Variants in CCSER1 observed in about 807,000 individuals in gnomAD.
CCSER1 encodes serine-rich coiled-coil domain-containing protein 1.
CCSER1 carries 41 observed loss-of-function variants against 82.0 expected under a neutral mutation model. The ratio of observed to expected loss-of-function variants is 0.50; its 90% CI spans 0.39 to 0.65. CCSER1 has a LOEUF of 0.65. CCSER1 is among the 30% of genes least tolerant of loss of function. The pLI is 0.00. For synonymous variants in CCSER1, 414 were observed against 383.9 expected (o/e 1.08, Z -0.92); for missense variants, 1,119 against 1,064.2 (o/e 1.05, Z -0.72).
At chr4:91,032,475 C>T (rs1027840971) in intron 9 of CCSER1, among the ~76,000 whole-genome samples, 1 of 152,100 alleles carries the variant, frequency 6.6e-6, no homozygotes, top group Admixed American at 6.6e-5. Context: ...TGTACGATTG[C>T]AGAAAAAGGA....
intron 10 of CCSER1, among the ~76,000 whole-genome samples, chr4:91,452,847 A>G (rs1248395852): frequency 7.9e-5 from 12 of 152,062 alleles, no homozygotes; most frequent in Admixed American, 7.9e-4. Context: ...ATTTTCCTGC[A>G]AATGAAATCT....
intron 10 of CCSER1, among the ~76,000 whole-genome samples, chr4:91,327,104 T>G (rs1020094906): frequency 2.0e-5 from 3 of 152,210 alleles, no homozygotes; most frequent in Non-Finnish European, 2.9e-5. Context: ...GGTGGCCCTC[T>G]TCTCACAGCT....
chr4:90,312,119 T>C (rs1357110368), intron 2 of CCSER1, among the ~76,000 whole-genome samples: 1 of 152,202 alleles, frequency 6.6e-6, no homozygotes, highest in Non-Finnish European at 1.5e-5. Context: ...TGAAGGAACT[T>C]AAATAATAAG....
chr4:90,849,436 C>A (rs1024080551), intron 8 of CCSER1, among the ~76,000 whole-genome samples: 2 of 151,996 alleles, frequency 1.3e-5, no homozygotes, highest in Non-Finnish European at 2.9e-5. Flanking sequence ...AGCAGTAAAG[C>A]TTTCAAGAGA....
At position 90,323,938 on chromosome 4, in the gene CCSER1, C is replaced by T. The variant is rs183946690; in HGVS notation, c.1509+10891C>T. 6.3e-3 allele frequency among the ~76,000 whole-genome samples: 962 copies of T among 151,932 alleles called. 15 individuals are homozygous for T. Among genetic ancestry groups the T allele is most frequent in the East Asian group, 0.05 (259 of 5,144 alleles). The stretch of plus-strand genomic sequence containing the variant: ...TGCGGTATTTGGTTTTTTGTTCTTG[C>T]GATAGTTTACTGAGAATGATGATTT... On this transcript the variant is annotated intron_variant, in intron 3 of 10. Coordinates refer to ENST00000509176, the MANE Select transcript of CCSER1 (RefSeq NM_001145065.2).
intron 7 of CCSER1, among the ~76,000 whole-genome samples, chr4:90,726,832 G>T (rs1044490472): frequency 2.0e-5 from 3 of 151,862 alleles, no homozygotes; most frequent in African/African-American, 7.3e-5. Context: ...AAACTTTGTG[G>T]ATCTCGTTGT....
chr4:91,270,444 T>G (rs536671724), intron 10 of CCSER1, among the ~76,000 whole-genome samples: 1 of 152,218 alleles, frequency 6.6e-6, no homozygotes, highest in Non-Finnish European at 1.5e-5. Context: ...CATCACATTT[T>G]TTTTTGTTCT....
At chr4:90,426,678 T>G (rs556502474) in intron 4 of CCSER1, among the ~76,000 whole-genome samples, 2 of 152,326 alleles carry the variant, frequency 1.3e-5, no homozygotes, top group East Asian at 3.9e-4. Flanking sequence ...CAGCTTTGTT[T>G]ATAACTTGTG....
At chr4:91,406,427 G>A (rs1053294105) in intron 10 of CCSER1, among the ~76,000 whole-genome samples, 1 of 152,062 alleles carries the variant, frequency 6.6e-6, no homozygotes, top group African/African-American at 2.4e-5. Flanking sequence ...GATTCAATGT[G>A]GTTCTTTATT....
chr4:91,094,630 C>T (rs536145406), intron 10 of CCSER1, among the ~76,000 whole-genome samples: 9 of 152,186 alleles, frequency 5.9e-5, no homozygotes, highest in Non-Finnish European at 8.8e-5. Context: ...CTCTGGGAAC[C>T]GGATACTGCT....
At chr4:90,293,616 A>C (rs1232972641) in intron 1 of CCSER1, among the ~76,000 whole-genome samples, 1 of 150,846 alleles carries the variant, frequency 6.6e-6, no homozygotes, top group African/African-American at 2.4e-5. Flanking sequence ...AAAATAAAAA[A>C]TTTAAGAAGA....
At chr4:91,064,512 A>G (rs1170530210) in intron 9 of CCSER1, among the ~76,000 whole-genome samples, 1 of 152,242 alleles carries the variant, frequency 6.6e-6, no homozygotes, top group Non-Finnish European at 1.5e-5. Flanking sequence ...ACACTTATGC[A>G]GTGTTTCTGC....
At chr4:90,483,671 T>A (rs1308516542) in intron 5 of CCSER1, among the ~76,000 whole-genome samples, 2 of 152,182 alleles carry the variant, frequency 1.3e-5, no homozygotes, top group Non-Finnish European at 2.9e-5. Context: ...AGTTGAAAAT[T>A]CTTTTCTTTA....
At chr4:91,031,333 G>A (rs1197752592) in intron 9 of CCSER1, among the ~76,000 whole-genome samples, 1 of 152,084 alleles carries the variant, frequency 6.6e-6, no homozygotes, top group Non-Finnish European at 1.5e-5. Flanking sequence ...CTACATGGAT[G>A]AGTGCTTTAC....
intron 8 of CCSER1, among the ~76,000 whole-genome samples, chr4:90,820,600 T>G (rs1053868817): frequency 1.3e-5 from 2 of 152,052 alleles, no homozygotes; most frequent in African/African-American, 4.8e-5. Context: ...CCAACACTGT[T>G]TGGGATTAAG....
At position 91,373,336 on chromosome 4, in the gene CCSER1, G is replaced by C. The variant is rs555894504; in HGVS notation, c.2218-225236G>C. 2.6e-5 allele frequency among the ~76,000 whole-genome samples: 4 copies of C among 152,090 alleles called. No individual in the cohort carries two copies. The East Asian group carries it at 7.7e-4, about 29-fold the overall frequency. ...TGAAGGTTTGTATCAACCCCGCCTCGAGCAAGTCTGTTAGCACCATTTTCC... is the reference window on the plus strand; with the variant it reads ...TGAAGGTTTGTATCAACCCCGCCTCCAGCAAGTCTGTTAGCACCATTTTCC... On this transcript the variant is annotated intron_variant, in intron 10 of 10. Coordinates refer to ENST00000509176, the MANE Select transcript of CCSER1 (RefSeq NM_001145065.2).
intron 10 of CCSER1, among the ~76,000 whole-genome samples, chr4:91,153,627 C>T (rs894979372): frequency 2.0e-5 from 3 of 151,798 alleles, no homozygotes; most frequent in African/African-American, 7.3e-5. Flanking sequence ...TGGTTTCTCC[C>T]CATCTTTGTG....
intron 10 of CCSER1, among the ~76,000 whole-genome samples, chr4:91,375,189 C>T (rs1308618249): frequency 6.6e-6 from 1 of 152,118 alleles, no homozygotes; most frequent in African/African-American, 2.4e-5. Flanking sequence ...TGATTCCAGC[C>T]TCCATGGATG....
intron 7 of CCSER1, among the ~76,000 whole-genome samples, chr4:90,810,651 C>A (rs1363632090): frequency 7.6e-6 from 1 of 131,252 alleles, no homozygotes; most frequent in Admixed American, 7.5e-5. Context: ...CTCTCAACAA[C>A]AACAACAACA....
Sources: gnomAD v4.1 joint callset for allele counts (sites outside exome capture counted in the v4.1 genomes callset) on GRCh38, gnomAD v4.1.1 for gene constraint, MANE v1.5 for transcripts, NCBI Gene and HGNC (gene_info 2026-07-23, HGNC 2026-07-21) for gene names.